The following IP6K2 variants were observed in gnomAD, a reference collection of about 807,000 sequenced individuals.
IP6K2 encodes the protein inositol hexakisphosphate kinase 2.
A neutral mutation model predicts 43.3 loss-of-function variants in IP6K2; 9 were observed. The ratio of observed to expected loss-of-function variants is 0.21; its 90% CI spans 0.13 to 0.36. IP6K2 has a LOEUF of 0.36. IP6K2 is among the 10% of genes least tolerant of loss of function. The probability of loss-of-function intolerance (pLI) is 1.00; values close to 1 mark genes in which losing one functional copy is unlikely to be tolerated. For synonymous variants in IP6K2, 209 were observed against 202.4 expected (o/e 1.03, Z -0.28); for missense variants, 332 against 538.4 (o/e 0.62, Z 3.79).
intron 1 of IP6K2, chr3:48,715,396 T>TCTGGCATCCCTCTTGGAAGGGAGA: frequency 6.5e-7 from 1 of 1,536,268 alleles, no homozygotes; most frequent in South Asian, 1.2e-5. Context: ...TACAGAAGGC[T>TCTGGCATCCCTCTTGGAAGGGAGA]CTGGCATCCC....
chr3:48,696,390 G>A (rs1034419246), intron 1 of IP6K2, among the ~76,000 whole-genome samples: 2 of 152,042 alleles, frequency 1.3e-5, no homozygotes, highest in African/African-American at 4.8e-5. Flanking sequence ...AACTGATCAA[G>A]GCTGGTTAAC....
chr3:48,706,079 C>T (rs943689636), intron 1 of IP6K2, among the ~76,000 whole-genome samples: 2 of 151,288 alleles, frequency 1.3e-5, no homozygotes, highest in African/African-American at 2.4e-5. Context: ...TGGTGGTGGG[C>T]GCCTATATTC....
chr3:48,714,638 G>A (rs574685577), intron 1 of IP6K2, among the ~76,000 whole-genome samples: 1 of 152,156 alleles, frequency 6.6e-6, no homozygotes, highest in South Asian at 2.1e-4. Flanking sequence ...TGATCCAACC[G>A]CCTTGGCCTC....
intron 1 of IP6K2, among the ~76,000 whole-genome samples, chr3:48,704,660 A>G (rs2079485967): frequency 6.6e-6 from 1 of 151,766 alleles, no homozygotes; most frequent in Non-Finnish European, 1.5e-5. Context: ...CTGTGTAGAG[A>G]CGGGGTTTTG....
At chr3:48,716,022 A>G (rs1185249350) in intron 1 of IP6K2, among the ~76,000 whole-genome samples, 1 of 152,186 alleles carries the variant, frequency 6.6e-6, no homozygotes, top group Non-Finnish European at 1.5e-5. Flanking sequence ...GATAGTGGCT[A>G]AAGTTAAAAC....
intron 1 of IP6K2, among the ~76,000 whole-genome samples, chr3:48,713,699 T>G (rs1348480644): frequency 1.3e-5 from 2 of 151,532 alleles, no homozygotes; most frequent in Non-Finnish European, 2.9e-5. Flanking sequence ...GCCACGCGCC[T>G]GTAATCCCAG....
intron 1 of IP6K2, among the ~76,000 whole-genome samples, chr3:48,712,986 C>T (rs543251584): frequency 2.6e-5 from 4 of 152,120 alleles, no homozygotes; most frequent in Admixed American, 2.6e-4. Context: ...GCACTCCAAC[C>T]TGGGCAACAG....
chr3:48,691,467 T>C lies in IP6K2; in HGVS notation c.444A>G (p.Glu148=). 2 of 1,609,564 alleles carry C rather than the reference T, an allele frequency of 1.2e-6. No homozygotes were observed. Among genetic ancestry groups the C allele is most frequent in the Non-Finnish European group, 1.7e-6 (2 of 1,177,110 alleles). The change falls in exon 4 of 6, where the codon GAA becomes GAG. Residue 148 remains glutamate (E), a synonymous_variant. Transcript: ENST00000328631. The part of the protein sequence containing the change: ...EEKMKSHKLE[E]EFEWLKKSEV... ...CAGATTTCTTTAGCCACTCAAATTCTTCTTCTAACTTATGGCTATAAAGAG... is the reference window on the plus strand; with the variant it reads ...CAGATTTCTTTAGCCACTCAAATTCCTCTTCTAACTTATGGCTATAAAGAG...
At chr3:48,706,067 CATGGTG>C (rs1195023455) in intron 1 of IP6K2, among the ~76,000 whole-genome samples, 1 of 21,142 alleles carries the variant, frequency 4.7e-5, no homozygotes, top group African/African-American at 1.1e-4. Flanking sequence ...ATTAGCCGTG[CATGGTG>C]GTGGGCGCCT....
intron 1 of IP6K2, among the ~76,000 whole-genome samples, chr3:48,697,771 T>C (rs2078562268): frequency 6.6e-6 from 1 of 152,038 alleles, no homozygotes; most frequent in South Asian, 2.1e-4. Context: ...CTCAAACTCC[T>C]GGGCTCAAGG....
chr3:48,696,101 G>A (rs1052268009), intron 1 of IP6K2, among the ~76,000 whole-genome samples: 7 of 151,806 alleles, frequency 4.6e-5, no homozygotes, highest in Non-Finnish European at 1.0e-4. Context: ...GGCTGGCATG[G>A]TCTTGATCTC....
At chr3:48,713,615 A>T (rs768624662) in intron 1 of IP6K2, among the ~76,000 whole-genome samples, 20 of 152,200 alleles carry the variant, frequency 1.3e-4, no homozygotes, top group Non-Finnish European at 2.2e-4. Context: ...AATTTCGAAA[A>T]CACATAGGAG....
intron 3 of IP6K2, 138 bp downstream of exon 3, chr3:48,692,816 A>C: frequency 1.5e-6 from 1 of 687,662 alleles, no homozygotes; most frequent in Non-Finnish European, 2.6e-6. Context: ...TGAGTATGCC[A>C]TGTGGGAATT....
At chr3:48,713,567 G>T (rs2080805611) in intron 1 of IP6K2, among the ~76,000 whole-genome samples, 1 of 152,208 alleles carries the variant, frequency 6.6e-6, no homozygotes, top group Admixed American at 6.5e-5. Flanking sequence ...TCCATTAAAA[G>T]AAGTTTTACT....
intron 1 of IP6K2, among the ~76,000 whole-genome samples, chr3:48,700,963 T>C (rs1224813001): frequency 2.6e-5 from 4 of 152,232 alleles, no homozygotes; most frequent in Non-Finnish European, 5.9e-5. Flanking sequence ...GCCTCATACA[T>C]TGCTGGTAGC....
At chr3:48,710,884 C>T (rs955123502) in intron 1 of IP6K2, among the ~76,000 whole-genome samples, 2 of 152,124 alleles carry the variant, frequency 1.3e-5, no homozygotes, top group African/African-American at 4.8e-5. Flanking sequence ...GCTGGGATTA[C>T]AGGCGTGAGC....
At chr3:48,699,451 G>A (rs2078783899) in intron 1 of IP6K2, 1 of 152,084 alleles carries the variant, frequency 6.6e-6, no homozygotes, top group African/African-American at 2.4e-5. Context: ...AGGCCAAAAG[G>A]CCCAGTGAGG....
At chr3:48,705,185 C>T (rs569981333) in intron 1 of IP6K2, among the ~76,000 whole-genome samples, 3 of 150,252 alleles carry the variant, frequency 2.0e-5, no homozygotes, top group South Asian at 2.1e-4. Flanking sequence ...CCTCGTGATC[C>T]GCTGCCTCAG....
At chr3:48,694,349 G>T (rs1376103757) in intron 2 of IP6K2, 7 of 1,546,198 alleles carry the variant, frequency 4.5e-6, no homozygotes, top group Admixed American at 2.0e-5. Flanking sequence ...AGTACATTCT[G>T]TCCTTAAAGA....
Sources: gnomAD v4.1 joint callset for allele counts (sites outside exome capture counted in the v4.1 genomes callset) on GRCh38, gnomAD v4.1.1 for gene constraint, MANE v1.5 for transcripts, NCBI Gene and HGNC (gene_info 2026-07-23, HGNC 2026-07-21) for gene names.